The following LIMA1 variants were observed in gnomAD, a reference collection of about 807,000 sequenced individuals.
The protein encoded by LIMA1 is LIM domain and actin binding 1, also known as LIM domain and actin-binding protein 1.
A neutral mutation model predicts 62.6 loss-of-function variants in LIMA1; 52 were observed. The observed-to-expected ratio is 0.83, with a 90% CI of 0.67 to 1.05. The LOEUF (loss-of-function observed/expected upper bound fraction) is 1.05, where lower values mean the gene tolerates loss of function less well. Ranked by LOEUF, LIMA1 falls within the 50% of genes least tolerant of loss-of-function variation. The pLI, the probability that LIMA1 is intolerant of heterozygous loss-of-function variation, is 0.00. For missense variants in LIMA1, 780 were observed against 902.2 expected, an observed-to-expected ratio of 0.86 and a Z score of 1.74; for synonymous variants, 302 against 317.8, an observed-to-expected ratio of 0.95 and a Z score of 0.53.
intron 8 of LIMA1, among the ~76,000 whole-genome samples, chr12:50,193,380 T>C (rs773478430): frequency 6.6e-6 from 1 of 150,606 alleles, no homozygotes; most frequent in African/African-American, 2.4e-5. Flanking sequence ...ATTTCAGTTG[T>C]AGGGTTTTCA....
intron 3 of LIMA1, among the ~76,000 whole-genome samples, chr12:50,227,518 G>A (rs533512928): frequency 5.3e-4 from 80 of 152,276 alleles, no homozygotes; most frequent in Admixed American, 1.5e-3. Flanking sequence ...GTGAGCCACC[G>A]TGCCAGGCCC....
At chr12:50,235,153 C>T (rs1592543243) in intron 2 of LIMA1, among the ~76,000 whole-genome samples, 1 of 151,978 alleles carries the variant, frequency 6.6e-6, no homozygotes, top group East Asian at 1.9e-4. Flanking sequence ...AAGCTGGTCT[C>T]AAACTCCTGA....
At chr12:50,240,374 T>C (rs1212427264) in intron 2 of LIMA1, among the ~76,000 whole-genome samples, 3 of 152,106 alleles carry the variant, frequency 2.0e-5, no homozygotes, top group Admixed American at 2.0e-4. Flanking sequence ...CAATTCGTGT[T>C]TTTAAAGAGT....
intron 4 of LIMA1, among the ~76,000 whole-genome samples, chr12:50,221,773 ACT>A (rs968668150): frequency 5.3e-4 from 81 of 152,312 alleles, no homozygotes; most frequent in African/African-American, 1.9e-3. Flanking sequence ...TCGGTATTAA[ACT>A]CTCTTCATTT....
At chr12:50,180,108 G>A (rs890596959) in intron 10 of LIMA1, among the ~76,000 whole-genome samples, 4 of 151,922 alleles carry the variant, frequency 2.6e-5, no homozygotes, top group Non-Finnish European at 4.4e-5. Context: ...CAAGACCAGC[G>A]TGGCTAACAT....
chr12:50,183,362 TCAG>T (rs1940549536), intron 9 of LIMA1, among the ~76,000 whole-genome samples: 1 of 152,062 alleles, frequency 6.6e-6, no homozygotes, highest in Admixed American at 6.6e-5. Flanking sequence ...GAAGCTCTCA[TCAG>T]CAATTAGGAG....
chr12:50,252,735 T>C (rs1426013049), intron 1 of LIMA1, among the ~76,000 whole-genome samples: 2 of 152,170 alleles, frequency 1.3e-5, no homozygotes, highest in Non-Finnish European at 2.9e-5. Flanking sequence ...AGCACATGCA[T>C]GGTTTTTATA....
At chr12:50,194,350 G>A (rs1940880972) in intron 8 of LIMA1, among the ~76,000 whole-genome samples, 1 of 151,138 alleles carries the variant, frequency 6.6e-6, no homozygotes, top group Non-Finnish European at 1.5e-5. Context: ...AGGCTGGAGT[G>A]CGATGGTGCG....
At chr12:50,220,009 C>T (rs1430566281) in intron 4 of LIMA1, among the ~76,000 whole-genome samples, 1 of 151,804 alleles carries the variant, frequency 6.6e-6, no homozygotes, top group African/African-American at 2.4e-5. Flanking sequence ...ATACCTTTAG[C>T]AATCAATCTG....
chr12:50,264,387 T>A (rs989915321), intron 1 of LIMA1, among the ~76,000 whole-genome samples: 2 of 152,226 alleles, frequency 1.3e-5, no homozygotes, highest in African/African-American at 4.8e-5. Context: ...TAAAACTTTA[T>A]AATTTTTAAA....
intron 2 of LIMA1, among the ~76,000 whole-genome samples, chr12:50,233,911 T>A (rs1340683970): frequency 5.3e-5 from 8 of 152,348 alleles, no homozygotes. Context: ...ATTTTACATA[T>A]GCACAAGAGT....
chr12:50,244,347 C>A (rs909380917), intron 2 of LIMA1, among the ~76,000 whole-genome samples: 2 of 152,104 alleles, frequency 1.3e-5, no homozygotes, highest in African/African-American at 4.8e-5. Flanking sequence ...TCGTGATCTG[C>A]CCGCCTCAGC....
intron 8 of LIMA1, among the ~76,000 whole-genome samples, chr12:50,193,648 G>GTATATA (rs1228141349): frequency 3.4e-4 from 19 of 55,494 alleles, no homozygotes; most frequent in East Asian, 1.8e-3. Context: ...GTGTGTGTGT[G>GTATATA]TGTATATATA....
chr12:50,272,827 C>T lies in LIMA1; in HGVS notation c.-24+10593G>A, dbSNP rs1172906393. On this transcript the variant is annotated intron_variant, in intron 1 of 10. Transcript: ENST00000341247. Reference sequence around the variant, plus strand: ...CTTTGGGAGGCCGAGGCAGGCAGATCACGAGGTCAGGAGATCGAGACCATC... The same window carrying T: ...CTTTGGGAGGCCGAGGCAGGCAGATTACGAGGTCAGGAGATCGAGACCATC... Among the ~76,000 whole-genome samples, 3 of 151,862 alleles carry T rather than the reference C, an allele frequency of 2.0e-5. No individual in the cohort carries two copies. In the East Asian group the frequency reaches 5.9e-4, roughly 30 times the overall value.
chr12:50,216,232 C>A (rs1324446742), intron 4 of LIMA1, among the ~76,000 whole-genome samples: 1 of 151,956 alleles, frequency 6.6e-6, no homozygotes, highest in African/African-American at 2.4e-5. Flanking sequence ...CTTTTCTTTT[C>A]GAGAGAAGTT....
chr12:50,276,966 T>G (rs1220389734), intron 1 of LIMA1, among the ~76,000 whole-genome samples: 1 of 152,192 alleles, frequency 6.6e-6, no homozygotes, highest in Non-Finnish European at 1.5e-5. Flanking sequence ...AAAATTAATA[T>G]TCTTAGAAGA....
intron 1 of LIMA1, among the ~76,000 whole-genome samples, chr12:50,269,224 CTTAA>C (rs1009289796): frequency 2.0e-5 from 3 of 152,164 alleles, no homozygotes; most frequent in African/African-American, 4.8e-5. Context: ...CAGATACTGT[CTTAA>C]TTGTTTTGCA....
chr12:50,243,916 TTTC>T, intron 2 of LIMA1, among the ~76,000 whole-genome samples: 1 of 151,866 alleles, frequency 6.6e-6, no homozygotes, highest in East Asian at 1.9e-4. Context: ...ATTTTATATA[TTTC>T]TTTTTTTTTT....
intron 4 of LIMA1, among the ~76,000 whole-genome samples, chr12:50,214,652 C>A (rs1941314140): frequency 6.6e-6 from 1 of 152,170 alleles, no homozygotes; most frequent in African/African-American, 2.4e-5. Context: ...ACTAAAAACA[C>A]AAAAATTAGC....
Sources: gnomAD v4.1 joint callset for allele counts (sites outside exome capture counted in the v4.1 genomes callset) on GRCh38, gnomAD v4.1.1 for gene constraint, MANE v1.5 for transcripts, NCBI Gene and HGNC (gene_info 2026-07-23, HGNC 2026-07-21) for gene names.